The following NEK7 variants were observed in gnomAD, a reference collection of about 807,000 sequenced individuals.
NEK7 encodes serine/threonine-protein kinase Nek7.
Under a neutral mutation model 44.6 loss-of-function variants are expected in NEK7, and 18 were observed. The observed-to-expected ratio is 0.40, with a 90% confidence interval of 0.28 to 0.60. The LOEUF (loss-of-function observed/expected upper bound fraction) is 0.60. Ranked by LOEUF, NEK7 falls within the 20% of genes least tolerant of loss-of-function variation. NEK7 has a pLI of 0.38. For missense variants in NEK7, 256 were observed against 366.5 expected (o/e 0.70, Z 2.46); for synonymous variants, 130 against 121.1 (o/e 1.07, Z -0.48).
chr1:198,253,579 T>C (rs529463292), intron 3 of NEK7, among the ~76,000 whole-genome samples: 2 of 152,202 alleles, frequency 1.3e-5, no homozygotes, highest in African/African-American at 4.8e-5. Flanking sequence ...GCAGTTAAAC[T>C]ATACCAGCAA....
In NEK7 at chr1:198,242,737, C is replaced by A. The variant is rs549562351; in HGVS notation, c.57+10100C>A. ...TCGGCCCCACAAAGTGCTGGGATTA[C>A]AGGCGTGAGCCACCGTGCCTGGCCA... On this transcript the variant is annotated intron_variant, in intron 2 of 9. Coordinates refer to ENST00000367385, the MANE Select transcript of NEK7 (RefSeq NM_133494.3). Among the ~76,000 whole-genome samples the A allele has an allele frequency of 3.3e-5, 5 of 151,914 alleles. No homozygotes were observed. The East Asian group carries it at 9.7e-4, about 29-fold the overall frequency.
At chr1:198,273,127 T>C (rs576521847) in intron 5 of NEK7, among the ~76,000 whole-genome samples, 78 of 151,828 alleles carry the variant, frequency 5.1e-4, no homozygotes, top group African/African-American at 1.9e-3. Context: ...TTTTCCAACA[T>C]TACAGGAAAA....
chr1:198,168,487 A>G lies in NEK7; in HGVS notation c.-29+11211A>G, dbSNP rs889320872. Among the ~76,000 whole-genome samples the G allele has an allele frequency of 2.0e-5, 3 of 152,254 alleles. No individual in the cohort carries two copies. In the East Asian group the frequency reaches 5.8e-4, roughly 29 times the overall value. ...TGTGAACTTTGTGGGGTATTTGCATATGCATTTTGAGAATGTTTGAAAGAT... is the reference window on the plus strand; with the variant it reads ...TGTGAACTTTGTGGGGTATTTGCATGTGCATTTTGAGAATGTTTGAAAGAT... On this transcript the variant is annotated intron_variant, in intron 1 of 9. Transcript: ENST00000367385.
chr1:198,252,261 C>A (rs905767709), intron 2 of NEK7, among the ~76,000 whole-genome samples: 3 of 151,760 alleles, frequency 2.0e-5, no homozygotes, highest in African/African-American at 7.3e-5. Context: ...AATTTCTGAT[C>A]TTTTACATTT....
At chr1:198,309,055 A>G (rs998918874) in intron 9 of NEK7, among the ~76,000 whole-genome samples, 5 of 152,194 alleles carry the variant, frequency 3.3e-5, no homozygotes, top group African/African-American at 1.2e-4. Context: ...AGTACAATAA[A>G]GTGTTATAAG....
At chr1:198,312,199 C>A (rs1010487524) in intron 9 of NEK7, among the ~76,000 whole-genome samples, 10 of 151,924 alleles carry the variant, frequency 6.6e-5, no homozygotes, top group Admixed American at 1.3e-4. Context: ...TTATCCATTT[C>A]TTCTAGATTT....
intron 5 of NEK7, among the ~76,000 whole-genome samples, chr1:198,266,294 C>CCG: frequency 6.6e-6 from 1 of 152,034 alleles, no homozygotes; most frequent in Non-Finnish European, 1.5e-5. Flanking sequence ...TAAGAGTATG[C>CCG]ACATTTTAAA....
chr1:198,310,665 A>G (rs1655153539), intron 9 of NEK7, among the ~76,000 whole-genome samples: 1 of 152,156 alleles, frequency 6.6e-6, no homozygotes, highest in Non-Finnish European at 1.5e-5. Context: ...ACATACGGCT[A>G]GTCAGTTTCC....
chr1:198,268,624 A>G (rs1295206284), intron 5 of NEK7, among the ~76,000 whole-genome samples: 1 of 152,158 alleles, frequency 6.6e-6, no homozygotes. Context: ...AAGAAAAAAG[A>G]AAAACTTCCT....
intron 1 of NEK7, among the ~76,000 whole-genome samples, chr1:198,191,529 C>A (rs1352099952): frequency 1.3e-5 from 2 of 151,772 alleles, no homozygotes; most frequent in Non-Finnish European, 2.9e-5. Context: ...GATATGAATT[C>A]TAAGTTGTAT....
chr1:198,197,702 C>G, intron 1 of NEK7: 1 of 496,326 alleles, frequency 2.0e-6, no homozygotes, highest in East Asian at 4.5e-5. Context: ...CTACTTTCCC[C>G]TGGTACAATA....
At chr1:198,171,730 C>G in intron 1 of NEK7, among the ~76,000 whole-genome samples, 1 of 152,018 alleles carries the variant, frequency 6.6e-6, no homozygotes, top group East Asian at 1.9e-4. Context: ...GCATTTTCCT[C>G]TGCTGCATCC....
chr1:198,188,024 C>T (rs1162243799), intron 1 of NEK7, among the ~76,000 whole-genome samples: 1 of 152,184 alleles, frequency 6.6e-6, no homozygotes, highest in Admixed American at 6.5e-5. Flanking sequence ...CTACCTGCTT[C>T]AGGGCTCCCA....
chr1:198,171,673 C>T (rs995287553), intron 1 of NEK7, among the ~76,000 whole-genome samples: 14 of 148,022 alleles, frequency 9.5e-5, no homozygotes, highest in East Asian at 6.0e-4. Context: ...AGCAAGACTC[C>T]GTCTGAAAAA....
At chr1:198,276,883 C>G (rs559888460) in intron 5 of NEK7, among the ~76,000 whole-genome samples, 2 of 151,724 alleles carry the variant, frequency 1.3e-5, no homozygotes, top group East Asian at 3.9e-4. Context: ...CAGCTGGTCA[C>G]AGGTGTAAAA....
chr1:198,219,851 A>G (rs567947503), intron 1 of NEK7, among the ~76,000 whole-genome samples: 1 of 146,574 alleles, frequency 6.8e-6, no homozygotes, highest in Admixed American at 7.2e-5. Flanking sequence ...ACTTTTGATT[A>G]TTTGGCTAAT....
In NEK7 at chr1:198,288,697, G is replaced by T. The variant is rs145378120; in HGVS notation, c.590-4248G>T. 6.4e-3 allele frequency among the ~76,000 whole-genome samples: 978 copies of T among 152,178 alleles called. 16 individuals are homozygous for T. Among genetic ancestry groups the T allele is most frequent in the African/African-American group, 0.023 (952 of 41,508 alleles). On this transcript the variant is annotated intron_variant, in intron 7 of 9. Transcript: ENST00000367385. ...CCTTATAATAGTCCCCGTTTTCACT[G>T]GACTGTGAGCCCCACAAGATCAAGG...
rs567166299 is a variant in NEK7 at position 198,203,243 on chromosome 1, A to T, written c.-28-29310A>T. ...ATATTGGCTTAGGGCTGCATTTCTC[A>T]AGCCTGGTGCTTGAAACTGTCTTCC... is the stretch of plus-strand genomic sequence containing the variant. On this transcript the variant is annotated intron_variant, in intron 1 of 9. Coordinates refer to ENST00000367385, the MANE Select transcript of NEK7 (RefSeq NM_133494.3). Among the ~76,000 whole-genome samples, 22 of 152,336 alleles carry T rather than the reference A, an allele frequency of 1.4e-4. No homozygotes were observed. The East Asian group carries it at 2.7e-3, about 19-fold the overall frequency.
chr1:198,275,134 A>T (rs545868469), intron 5 of NEK7, among the ~76,000 whole-genome samples: 5 of 151,616 alleles, frequency 3.3e-5, no homozygotes, highest in Middle Eastern at 3.4e-3. Context: ...TAATTTTGAT[A>T]AAAGTGGAAA....
Sources: allele counts gnomAD v4.1 joint callset (sites outside exome capture counted in the v4.1 genomes callset), GRCh38; gene constraint gnomAD v4.1.1; transcripts MANE v1.5; gene names NCBI Gene and HGNC (gene_info 2026-07-23, HGNC 2026-07-21).